The following DPYD variants were observed in gnomAD, a reference collection of about 807,000 sequenced individuals.
DPYD encodes dihydropyrimidine dehydrogenase [NADP(+)].
A neutral mutation model predicts 116.2 loss-of-function variants in DPYD; 109 were observed. The ratio of observed to expected loss-of-function variants is 0.94; its 90% CI spans 0.80 to 1.10. DPYD has a LOEUF of 1.10. Ranked by LOEUF, DPYD falls within the 50% of genes least tolerant of loss-of-function variation. DPYD has a pLI of 0.00. For synonymous variants in DPYD, 440 were observed against 432.0 expected, an observed-to-expected ratio of 1.02 and a Z score of -0.23; for missense variants, 1,302 against 1,254.5, an observed-to-expected ratio of 1.04 and a Z score of -0.57.
intron 5 of DPYD, among the ~76,000 whole-genome samples, chr1:97,717,701 G>A (rs1327784179): frequency 3.3e-5 from 5 of 151,902 alleles, no homozygotes; most frequent in African/African-American, 1.2e-4. Flanking sequence ...ATGATGTTTG[G>A]CTTCCATTCC....
intron 18 of DPYD, among the ~76,000 whole-genome samples, chr1:97,279,400 G>C (rs1351696051): frequency 1.3e-5 from 2 of 152,148 alleles, no homozygotes; most frequent in African/African-American, 4.8e-5. Context: ...GAAATGTGAA[G>C]ACTGTCTGAA....
At chr1:97,508,548 G>A (rs1647534157) in intron 13 of DPYD, among the ~76,000 whole-genome samples, 1 of 151,972 alleles carries the variant, frequency 6.6e-6, no homozygotes, top group African/African-American at 2.4e-5. Context: ...AGAAAGACAA[G>A]CATAGGTGCC....
At chr1:97,227,123 G>A (rs1022624094) in intron 19 of DPYD, among the ~76,000 whole-genome samples, 3 of 151,686 alleles carry the variant, frequency 2.0e-5, no homozygotes, top group African/African-American at 7.3e-5. Flanking sequence ...TCAGAAGATC[G>A]AGACCATCCT....
intron 3 of DPYD, among the ~76,000 whole-genome samples, chr1:97,816,166 G>A (rs1379749239): frequency 6.6e-6 from 1 of 150,528 alleles, no homozygotes; most frequent in Non-Finnish European, 1.5e-5. Context: ...CATACTCCTT[G>A]TGACTCAAGT....
At chr1:97,108,642 T>C (rs1231679286) in intron 20 of DPYD, among the ~76,000 whole-genome samples, 1 of 152,150 alleles carries the variant, frequency 6.6e-6, no homozygotes, top group Admixed American at 6.6e-5. Context: ...ACCTCATTAC[T>C]AAATAATGAA....
rs1387136531 is a variant in DPYD at position 97,549,648 on chromosome 1, C to T, written c.1436G>A (p.Gly479Asp). Residue 479 changes from glycine (G) to aspartate (D), a missense_variant, in exon 12 of 23, where the codon GGT (glycine) becomes GAT (aspartate). Gly to Asp is a moderately conservative substitution (Grantham distance 94, BLOSUM62 -1). Coordinates refer to ENST00000370192, the MANE Select transcript of DPYD (RefSeq NM_000110.4). ...GTTAGCCAAACCAACGACATCACCA[C>T]CTGCAAATACCCATGCTTCACTAGT... ...MQTSEAWVFA[G>D]GDVVGLANTT... 3 of 1,613,742 alleles carry T rather than the reference C, an allele frequency of 1.9e-6. No individual in the cohort carries two copies. The highest frequency in any genetic ancestry group is 4.5e-5 in the East Asian group (2 of 44,854).
intron 19 of DPYD, among the ~76,000 whole-genome samples, chr1:97,227,487 G>A (rs1442733605): frequency 6.6e-6 from 1 of 151,644 alleles, no homozygotes; most frequent in East Asian, 1.9e-4. Flanking sequence ...ACTATGCATT[G>A]CATGCTTATA....
At chr1:97,084,006 A>G (rs1209562898) in intron 21 of DPYD, among the ~76,000 whole-genome samples, 4 of 152,024 alleles carry the variant, frequency 2.6e-5, no homozygotes, top group East Asian at 3.8e-4. Context: ...ATTGTAAGAG[A>G]CTACTTGATA....
chr1:97,740,900 C>T (rs901196345), intron 3 of DPYD, among the ~76,000 whole-genome samples: 3 of 152,142 alleles, frequency 2.0e-5, no homozygotes, highest in Non-Finnish European at 4.4e-5. Context: ...TATTTTACCA[C>T]TTGAAATATC....
chr1:97,667,822 T>C (rs1446097352), intron 8 of DPYD, among the ~76,000 whole-genome samples: 4 of 152,142 alleles, frequency 2.6e-5, no homozygotes, highest in African/African-American at 4.8e-5. Flanking sequence ...CCAATGTCCA[T>C]TGATTGATTA....
At chr1:97,548,411 C>G (rs1570940464) in intron 12 of DPYD, among the ~76,000 whole-genome samples, 1 of 152,212 alleles carries the variant, frequency 6.6e-6, no homozygotes, top group East Asian at 1.9e-4. Context: ...ATTCTGTATC[C>G]TAAATTGTTA....
At chr1:97,410,578 C>A (rs963428971) in intron 14 of DPYD, among the ~76,000 whole-genome samples, 2 of 152,076 alleles carry the variant, frequency 1.3e-5, no homozygotes, top group Admixed American at 6.6e-5. Context: ...GGAGATAAGA[C>A]TTTAAAAAAT....
At chr1:97,253,279 T>C (rs1442200815) in intron 18 of DPYD, among the ~76,000 whole-genome samples, 2 of 152,232 alleles carry the variant, frequency 1.3e-5, no homozygotes, top group Non-Finnish European at 2.9e-5. Flanking sequence ...ATAGCATTTA[T>C]AGACATTGGA....
intron 18 of DPYD, among the ~76,000 whole-genome samples, chr1:97,300,621 T>TTA (rs1488904469): frequency 4.6e-5 from 7 of 152,102 alleles, no homozygotes; most frequent in South Asian, 2.1e-4. Flanking sequence ...CTTCTGAGTT[T>TTA]GTAATCTGTT....
chr1:97,419,422 C>T (rs953510298), intron 14 of DPYD, among the ~76,000 whole-genome samples: 11 of 152,140 alleles, frequency 7.2e-5, no homozygotes, highest in South Asian at 2.1e-4. Context: ...AGACCTGGTA[C>T]GTAATCACTA....
At chr1:97,510,922 G>C (rs1319917398) in intron 13 of DPYD, among the ~76,000 whole-genome samples, 1 of 151,988 alleles carries the variant, frequency 6.6e-6, no homozygotes, top group East Asian at 1.9e-4. Flanking sequence ...TGAGGCAAGA[G>C]AGATTATGAA....
At chr1:97,450,528 TTAAA>T (rs1318050115) in intron 13 of DPYD, among the ~76,000 whole-genome samples, 7 of 152,136 alleles carry the variant, frequency 4.6e-5, no homozygotes, top group Non-Finnish European at 7.4e-5. Context: ...TTGTTTGCAA[TTAAA>T]TAATAAAAAT....
chr1:97,526,275 C>T lies in DPYD; in HGVS notation c.1525-10334G>A, dbSNP rs78333427. Among the ~76,000 whole-genome samples the T allele has an allele frequency of 6.0e-3, 914 of 152,172 alleles. 14 individuals carry two copies. Among genetic ancestry groups the T allele is most frequent in the South Asian group, 0.051 (247 of 4,802 alleles). ...TCTCGAGGAAAGTAAGAAGATTTTT[C>T]GTGCTTTGTCCTCTTTCTTTCTATG... On this transcript the variant is annotated intron_variant, in intron 12 of 22. Coordinates refer to ENST00000370192, the MANE Select transcript of DPYD (RefSeq NM_000110.4).
At chr1:97,280,871 T>A (rs181856491) in intron 18 of DPYD, among the ~76,000 whole-genome samples, 1 of 152,262 alleles carries the variant, frequency 6.6e-6, no homozygotes, top group Admixed American at 6.5e-5. Flanking sequence ...TATCTCAAGA[T>A]ACCTCGAAGA....
Sources: allele counts gnomAD v4.1 joint callset (sites outside exome capture counted in the v4.1 genomes callset), GRCh38; gene constraint gnomAD v4.1.1; transcripts MANE v1.5; gene names NCBI Gene and HGNC (gene_info 2026-07-23, HGNC 2026-07-21).